TUT7: variants seen among roughly 807,000 people sequenced by gnomAD.
The protein encoded by TUT7 is terminal uridylyl transferase 7, also known as terminal uridylyltransferase 7.
Under a neutral mutation model 165.9 loss-of-function variants are expected in TUT7, and 33 were observed. The ratio of observed to expected loss-of-function variants is 0.20; its 90% CI spans 0.15 to 0.27. The LOEUF (loss-of-function observed/expected upper bound fraction) is 0.27. Among genes scored for constraint, TUT7 ranks in the 10% least tolerant of loss-of-function variants. The pLI is 1.00. For synonymous variants in TUT7, 552 were observed against 608.1 expected (o/e 0.91, Z 1.36); for missense variants, 1,338 against 1,762.3 (o/e 0.76, Z 4.31).
chr9:86,312,474 A>G (rs7860147), intron 17 of TUT7, among the ~76,000 whole-genome samples: 112,862 of 149,604 alleles, frequency 0.75, 43,947 homozygotes, highest in East Asian at 0.99. Context: ...CAGCCACCCC[A>G]TCCGGGAGGG....
chr9:86,319,764 A>T, intron 14 of TUT7, 94 bp from the exon 15 acceptor site: 1 of 817,296 alleles, frequency 1.2e-6, no homozygotes, highest in South Asian at 1.6e-5. Context: ...AATAAAACTT[A>T]CAAGCTTAAA....
chr9:86,335,014 AGTT>A (rs1346415661), intron 10 of TUT7, among the ~76,000 whole-genome samples: 6 of 152,150 alleles, frequency 3.9e-5, no homozygotes. Flanking sequence ...CAGAGTTTAT[AGTT>A]GTTATTTGCA....
At chr9:86,352,038 C>T (rs1429102058) in intron 2 of TUT7, among the ~76,000 whole-genome samples, 2 of 151,978 alleles carry the variant, frequency 1.3e-5, no homozygotes, top group African/African-American at 2.4e-5. Context: ...GTGAGGGCAC[C>T]GAGAAATTAG....
intron 17 of TUT7, 59 bp downstream of exon 17, chr9:86,317,160 C>G: frequency 6.8e-7 from 1 of 1,468,392 alleles, no homozygotes; most frequent in Non-Finnish European, 9.5e-7. Flanking sequence ...CAAGGGAAGA[C>G]TATAGAAAAC....
At chr9:86,288,807 C>A in intron 26 of TUT7, 63 bp from the exon 27 acceptor site, 1 of 1,342,348 alleles carries the variant, frequency 7.4e-7, no homozygotes, top group East Asian at 2.4e-5. Flanking sequence ...ATGACAAAAG[C>A]CATAAAATTA....
intron 21 of TUT7, 70 bp downstream of exon 21, chr9:86,309,142 A>C (rs4520250): frequency 0.71 from 632,584 of 888,842 alleles, 230,997 homozygotes; most frequent in East Asian, 0.99. Flanking sequence ...TAGTTGTTGA[A>C]CATCTACACT....
chr9:86,307,100 G>A lies in TUT7; in HGVS notation c.3838+1329C>T, dbSNP rs141709530. ...AGCCTTGCCAACATGGTGAAACCCCGTCTCTACTAAAAATACAAAAAAATT... is the reference window on the plus strand; with the variant it reads ...AGCCTTGCCAACATGGTGAAACCCCATCTCTACTAAAAATACAAAAAAATT... On this transcript the variant is annotated intron_variant, in intron 22 of 26. Coordinates refer to ENST00000375963, the MANE Select transcript of TUT7 (RefSeq NM_024617.4). Among the ~76,000 whole-genome samples the A allele has an allele frequency of 1.2e-3, 187 of 151,796 alleles. 1 individual carries two copies. The highest frequency in any genetic ancestry group is 7.3e-3 in the South Asian group (35 of 4,790).
chr9:86,300,481 T>G (rs1043606826), intron 26 of TUT7, among the ~76,000 whole-genome samples: 1 of 152,230 alleles, frequency 6.6e-6, no homozygotes, highest in Non-Finnish European at 1.5e-5. Context: ...TTTTCTATGC[T>G]TATCAAATTT....
At chr9:86,331,497 T>C (rs1830311543) in intron 10 of TUT7, among the ~76,000 whole-genome samples, 1 of 152,220 alleles carries the variant, frequency 6.6e-6, no homozygotes, top group Non-Finnish European at 1.5e-5. Context: ...TCAATTTTTA[T>C]TTCATGTATT....
intron 2 of TUT7, among the ~76,000 whole-genome samples, chr9:86,349,724 AAAT>A (rs1349702831): frequency 6.6e-6 from 1 of 152,188 alleles, no homozygotes; most frequent in Admixed American, 6.5e-5. Context: ...TCTCTAAACT[AAAT>A]AATGTTATAC....
At chr9:86,322,517 T>C in intron 13 of TUT7, 42 bp from the exon 14 acceptor site, 1 of 1,574,360 alleles carries the variant, frequency 6.4e-7, no homozygotes. Context: ...TAACACTTTA[T>C]TTGCCAAATA....
At chr9:86,300,874 GCA>G (rs1826824866) in intron 26 of TUT7, among the ~76,000 whole-genome samples, 1 of 152,222 alleles carries the variant, frequency 6.6e-6, no homozygotes, top group Non-Finnish European at 1.5e-5. Flanking sequence ...GCTCACCTGT[GCA>G]CAGAGCATGG....
rs372133002 is a variant in TUT7, at chr9:86,311,651, G to A, written c.3275-842C>T. 6.6e-6 allele frequency among the ~76,000 whole-genome samples: 1 copy of A among 151,650 alleles called. No homozygotes were observed. The highest frequency in any genetic ancestry group is 1.5e-5 in the Non-Finnish European group (1 of 67,972). On this transcript the variant is annotated intron_variant, in intron 17 of 26. Transcript: ENST00000375963. This position sits in a 1 kb window ranked among gnomAD's most constrained non-coding sequence, Gnocchi z 4.4. The stretch of plus-strand genomic sequence containing the variant: ...CTTTCCACGGTCTCCCTCTGATGCC[G>A]GTCTCCCTCTGATGCCGAGCCGAAG...
intron 26 of TUT7, among the ~76,000 whole-genome samples, chr9:86,294,599 G>C: frequency 6.6e-6 from 1 of 151,206 alleles, no homozygotes; most frequent in East Asian, 1.9e-4. Flanking sequence ...AAAAAAATTA[G>C]GGATAGAAAA....
chr9:86,331,356 T>C (rs1384753238), intron 10 of TUT7, among the ~76,000 whole-genome samples: 3 of 152,202 alleles, frequency 2.0e-5, no homozygotes. Context: ...TTTATAAATA[T>C]TAATTAGGTC....
At chr9:86,296,352 T>C (rs1587846765) in intron 26 of TUT7, among the ~76,000 whole-genome samples, 1 of 152,220 alleles carries the variant, frequency 6.6e-6, no homozygotes, top group African/African-American at 2.4e-5. Context: ...TTGACCATTC[T>C]CCTGCTTTGT....
intron 10 of TUT7, among the ~76,000 whole-genome samples, chr9:86,332,009 A>G (rs1830363130): frequency 6.6e-6 from 1 of 152,214 alleles, no homozygotes; most frequent in African/African-American, 2.4e-5. Flanking sequence ...AAAGCTCAAC[A>G]TCACCAATCA....
At chr9:86,319,720 T>A in intron 14 of TUT7, 50 bp from the exon 15 acceptor site, 1 of 1,229,076 alleles carries the variant, frequency 8.1e-7, no homozygotes, top group Non-Finnish European at 1.1e-6. Flanking sequence ...GTTGACACTC[T>A]TAGAAAAAGC....
intron 10 of TUT7, among the ~76,000 whole-genome samples, chr9:86,336,246 AG>A (rs1181498732): frequency 6.6e-6 from 1 of 152,200 alleles, no homozygotes; most frequent in Non-Finnish European, 1.5e-5. Flanking sequence ...AAAACTTCAA[AG>A]ACTTTCACAC....
Sources: gnomAD v4.1 joint callset for allele counts (sites outside exome capture counted in the v4.1 genomes callset) on GRCh38, gnomAD v4.1.1 for gene constraint, Gnocchi (gnomAD v3.1) non-coding constraint, MANE v1.5 for transcripts, NCBI Gene and HGNC (gene_info 2026-07-23, HGNC 2026-07-21) for gene names.